MYO15A: variants seen among roughly 807,000 people sequenced by gnomAD.
The protein encoded by MYO15A is myosin XVA.
MYO15A carries 308 observed loss-of-function variants against 394.6 expected under a neutral mutation model. That is an observed-to-expected ratio of 0.78 (90% CI 0.71 to 0.86). The LOEUF is 0.86. Among genes scored for constraint, MYO15A ranks in the 40% least tolerant of loss-of-function variants. The pLI, the probability that MYO15A is intolerant of heterozygous loss-of-function variation, is 0.00. For synonymous variants in MYO15A, 1,957 were observed against 2,003.8 expected (o/e 0.98, Z 0.62); for missense variants, 4,606 against 4,799.1 (o/e 0.96, Z 1.19).
At chr17:18,166,819 C>T (rs2046862019) in intron 61 of MYO15A, among the ~76,000 whole-genome samples, 1 of 152,218 alleles carries the variant, frequency 6.6e-6, no homozygotes, top group Non-Finnish European at 1.5e-5. Context: ...TTGCATTCCC[C>T]TTTCCTTCGG....
intron 56 of MYO15A, 96 bp from the exon 57 acceptor site, chr17:18,161,221 T>A (rs1412179551): frequency 1.3e-6 from 2 of 1,509,258 alleles, no homozygotes; most frequent in Non-Finnish European, 1.8e-6. Flanking sequence ...AGGAGCTGCC[T>A]GAGAGTTGGA....
rs854771 is a variant in MYO15A, at chr17:18,156,878, G to A, written c.8602-76G>A. ...CCCTGATGAGTCAGGAAGGATGTGAGGAGCAGGGGTGGCCCTAGGCCTCTG... is the reference window on the plus strand; with the variant it reads ...CCCTGATGAGTCAGGAAGGATGTGAAGAGCAGGGGTGGCCCTAGGCCTCTG... On this transcript the variant is annotated intron_variant, in intron 48 of 65. Coordinates refer to ENST00000647165, the MANE Select transcript of MYO15A (RefSeq NM_016239.4). The A allele has an allele frequency of 0.38, 471,554 of 1,253,600 alleles. 93,884 individuals carry two copies. Among genetic ancestry groups the A allele is most frequent in the Non-Finnish European group, 0.42 (354,594 of 854,206 alleles). 77.7% of individuals were successfully genotyped at this position (1,253,600 alleles called of 1,614,324 possible). A position where few individuals can be genotyped will look rare whatever the true frequency, so the allele number is the denominator to read the frequency against.
intron 21 of MYO15A, 93 bp downstream of exon 21, chr17:18,140,925 C>T (rs1012819638): frequency 6.2e-7 from 1 of 1,611,608 alleles, no homozygotes; most frequent in African/African-American, 1.3e-5. Flanking sequence ...GGACCTGCAT[C>T]TGCCCAGCCT....
chr17:18,159,658 C>T lies in MYO15A; in HGVS notation c.9282C>T (p.Asp3094=), dbSNP rs367808617. Residue 3094 remains aspartate, a synonymous_variant, in exon 55 of 66, where the codon GAC becomes GAT. Coordinates refer to ENST00000647165, the MANE Select transcript of MYO15A (RefSeq NM_016239.4). ...CACTGAAGGGCCAGAGTGACCTGGA[C>T]GTGCTTTGTAACCTCCTGAAGGTCA... ...DAPLKGQSDL[D]VLCNLLKLCG... The T allele has an allele frequency of 9.5e-5, 153 of 1,614,110 alleles. No individual in the cohort carries two copies. The South Asian group carries it at 1.4e-3, about 15-fold the overall frequency.
chr17:18,164,044 A>G (rs2046813920), intron 60 of MYO15A: 2 of 619,532 alleles, frequency 3.2e-6, no homozygotes, highest in East Asian at 2.8e-5. Context: ...AGTTTGCCTC[A>G]CCTTATGATG....
In MYO15A at chr17:18,153,249, A is replaced by G. The variant is rs2046614194; in HGVS notation, c.7967-526A>G. ...AAACCCCTTCTCTGCTAAAAACACAAAAATTAGCTGGGCGTGGTGGTGGGC... is the reference window on the plus strand; with the variant it reads ...AAACCCCTTCTCTGCTAAAAACACAGAAATTAGCTGGGCGTGGTGGTGGGC... On this transcript the variant is annotated intron_variant, in intron 42 of 65. Transcript: ENST00000647165. This position sits in a 1 kb window ranked among gnomAD's most constrained non-coding sequence, Gnocchi z 4.1. 1 of 151,526 alleles carries G rather than the reference A, an allele frequency of 6.6e-6. No individual in the cohort carries two copies. The highest frequency in any genetic ancestry group is 1.5e-5 in the Non-Finnish European group (1 of 68,150). The allele number at this position is 151,526 out of a possible 1,614,324, so 9.4% of individuals were successfully genotyped here.
chr17:18,129,149 A>G (rs1027872423), intron 7 of MYO15A, among the ~76,000 whole-genome samples: 2 of 152,194 alleles, frequency 1.3e-5, no homozygotes, highest in African/African-American at 4.8e-5. Flanking sequence ...CAGAAATGAA[A>G]CATTCAGAGC....
intron 1 of MYO15A, chr17:18,110,528 G>C (rs1302569418): frequency 6.6e-6 from 1 of 152,228 alleles, no homozygotes; most frequent in African/African-American, 2.4e-5. Flanking sequence ...GTGTGGCCTG[G>C]CCGTTCTGAG....
At chr17:18,112,169 T>A (rs1597740035) in intron 1 of MYO15A, among the ~76,000 whole-genome samples, 2 of 151,680 alleles carry the variant, frequency 1.3e-5, no homozygotes, top group Non-Finnish European at 2.9e-5. Flanking sequence ...CTCTGGGAGG[T>A]GCTCTTGGGC....
Position 18,159,702 on chromosome 17 carries a change from G to C in MYO15A, c.9303+23G>C, listed in dbSNP as rs751302222. The C allele has an allele frequency of 1.9e-6, 3 of 1,612,928 alleles. No homozygotes were observed. The East Asian group carries it at 6.7e-5, about 36-fold the overall frequency. ...AAGGTCAGTCCAGCCAACTTTGCCA[G>C]ATGCCCCCTTTCCTGCTCTGTGGTT... On this transcript the variant is annotated intron_variant, in intron 55 of 65. Transcript: ENST00000647165.
rs1239641062 is a variant in MYO15A at position 18,172,161 on chromosome 17, C to T, written c.10221C>T (p.Leu3407=). 6.2e-7 allele frequency: 1 copy of T among 1,614,226 alleles called. No homozygotes were observed. The highest frequency in any genetic ancestry group is 1.1e-5 in the South Asian group (1 of 91,092). Residue 3407 remains leucine (L), a synonymous_variant, in exon 64 of 66, where the codon CTC becomes CTT. Coordinates refer to ENST00000647165, the MANE Select transcript of MYO15A (RefSeq NM_016239.4). The stretch of plus-strand genomic sequence containing the variant: ...CCACCCCCTCTCCCTGCCCAGGCCT[C>T]CTCAGCGCCTTACCTATGTTCGGCT... ...PHQARAQFLG[L]LSALPMFGSS... is the part of the protein sequence containing the mutation.
Position 18,143,549 on chromosome 17 carries a change from C to T in MYO15A, c.5911-17C>T. 6.4e-7 allele frequency: 1 copy of T among 1,552,898 alleles called. No individual in the cohort carries two copies. ...CTCTGCCTGCCACTCCCCAACCTGA[C>T]ATCTTCTCTTCTGAAGCTGAGGGCA... On this transcript the variant is annotated splice_polypyrimidine_tract_variant and intron_variant, in intron 25 of 65. Coordinates refer to ENST00000647165, the MANE Select transcript of MYO15A (RefSeq NM_016239.4).
chr17:18,120,469 T>G lies in MYO15A; in HGVS notation c.1669T>G (p.Phe557Val). 1 of 1,575,042 alleles carries G rather than the reference T, an allele frequency of 6.3e-7. No homozygotes were observed. ...SAFGAHRGLG[F>V]GPEFGRPVPR... is the part of the protein sequence containing the mutation. ...CTTCGGCGCCCACCGGGGCCTGGGCTTCGGCCCTGAGTTTGGCCGCCCCGT... is the reference window on the plus strand; with the variant it reads ...CTTCGGCGCCCACCGGGGCCTGGGCGTCGGCCCTGAGTTTGGCCGCCCCGT... Residue 557 changes from phenylalanine (F) to valine (V), a missense_variant, in exon 2 of 66, where the codon TTC (phenylalanine) becomes GTC (valine). Physicochemically the swap from Phe to Val is conservative, Grantham distance 50. Transcript: ENST00000647165.
intron 2 of MYO15A, 69 bp from the exon 3 acceptor site, chr17:18,124,414 C>T: frequency 6.5e-7 from 1 of 1,544,704 alleles, no homozygotes; most frequent in East Asian, 2.3e-5. Flanking sequence ...CAGGTATGAC[C>T]AAGCCAGGGG....
chr17:18,157,261 G>T, intron 50 of MYO15A, 31 bp downstream of exon 50: 1 of 1,576,354 alleles, frequency 6.3e-7, no homozygotes, highest in Admixed American at 1.8e-5. Flanking sequence ...AACCCCATAC[G>T]GGGCGCATCC....
At chr17:18,138,041 T>C (rs2142324843) in intron 16 of MYO15A, 74 bp from the exon 17 acceptor site, 1 of 1,385,880 alleles carries the variant, frequency 7.2e-7, no homozygotes, top group Non-Finnish European at 9.5e-7. Flanking sequence ...TCCTTCAGAT[T>C]CAACATGGGA....
Position 18,148,338 on chromosome 17 carries a change from G to A in MYO15A, c.6691+128G>A. The A allele has an allele frequency of 6.8e-7, 1 of 1,474,466 alleles. No individual in the cohort carries two copies. Among genetic ancestry groups the A allele is most frequent in the Non-Finnish European group, 9.2e-7 (1 of 1,083,994 alleles). The allele number at this position is 1,474,466 out of a possible 1,614,324, so 91.3% of individuals were successfully genotyped here. On this transcript the variant is annotated intron_variant, in intron 31 of 65. Coordinates refer to ENST00000647165, the MANE Select transcript of MYO15A (RefSeq NM_016239.4). The surrounding 1 kb of genome is among the most constrained non-coding windows in gnomAD (Gnocchi z 4.8). ...GGCCTTCTCAGATGTGGCTCTGCGT[G>A]AAAGTCTGTGTGTGGGGGTGGGACC...
At chr17:18,173,995 C>T in intron 65 of MYO15A, 74 bp downstream of exon 65, 1 of 1,546,078 alleles carries the variant, frequency 6.5e-7, no homozygotes, top group Middle Eastern at 2.2e-4. Context: ...TAGGTCAGGT[C>T]CCTGCCATGC....
intron 13 of MYO15A, among the ~76,000 whole-genome samples, chr17:18,136,188 T>A (rs1223335475): frequency 6.6e-6 from 1 of 152,134 alleles, no homozygotes; most frequent in Non-Finnish European, 1.5e-5. Flanking sequence ...TCTCATTGTA[T>A]CTGCTGATGC....
Sources: gnomAD v4.1 joint callset for allele counts (sites outside exome capture counted in the v4.1 genomes callset) on GRCh38, gnomAD v4.1.1 for gene constraint, Gnocchi (gnomAD v3.1) non-coding constraint, MANE v1.5 for transcripts, NCBI Gene and HGNC (gene_info 2026-07-23, HGNC 2026-07-21) for gene names.